The following CKM variants were observed in gnomAD, a reference collection of about 807,000 sequenced individuals.
CKM encodes creatine kinase, M-type.
Under a neutral mutation model 35.4 loss-of-function variants are expected in CKM, and 28 were observed. The observed-to-expected ratio is 0.79, with a 90% confidence interval of 0.59 to 1.08. CKM has a LOEUF of 1.08. Ranked by LOEUF, CKM falls within the 50% of genes least tolerant of loss-of-function variation. The pLI is 0.00. For synonymous variants in CKM, 215 were observed against 204.4 expected, an observed-to-expected ratio of 1.05 and a Z score of -0.44; for missense variants, 484 against 509.8, an observed-to-expected ratio of 0.95 and a Z score of 0.49.
rs771930230 is a variant in CKM, at chr19:45,307,464, T to G, written c.964A>C (p.Thr322Pro). 2.5e-6 allele frequency: 4 copies of G among 1,613,812 alleles called. No homozygotes were observed. Among genetic ancestry groups the G allele is most frequent in the Middle Eastern group, 1.7e-4 (1 of 6,036 alleles). Reference sequence around the variant, plus strand: ...GCAAAGGATGTGGGAGCCGTACCTGTACCCCTCTTCTGCAGACGCAGGCGG... The same window carrying G: ...GCAAAGGATGTGGGAGCCGTACCTGGACCCCTCTTCTGCAGACGCAGGCGG... Reference protein sequence around the residue: ...LTRLRLQKRGTGGVDTAAVGS... With the variant: ...LTRLRLQKRGPGGVDTAAVGS... Residue 322 changes from threonine (T) to proline (P), a missense_variant, in exon 7 of 8, where the codon ACA (threonine) becomes CCA (proline). Coordinates refer to ENST00000221476, the MANE Select transcript of CKM (RefSeq NM_001824.5).
chr19:45,318,918 G>C (rs1186423193), intron 2 of CKM, among the ~76,000 whole-genome samples: 2 of 150,644 alleles, frequency 1.3e-5, no homozygotes, highest in Non-Finnish European at 2.9e-5. Context: ...ACAGTGGCGC[G>C]ATCTCGGCTT....
intron 2 of CKM, among the ~76,000 whole-genome samples, chr19:45,318,729 G>A (rs970352799): frequency 6.6e-6 from 1 of 152,084 alleles, no homozygotes; most frequent in Non-Finnish European, 1.5e-5. Context: ...CCAGGAGAGA[G>A]GGGCTTCTCC....
At chr19:45,314,957 C>T (rs946814912) in intron 4 of CKM, among the ~76,000 whole-genome samples, 11 of 152,052 alleles carry the variant, frequency 7.2e-5, no homozygotes, top group African/African-American at 2.7e-4. Flanking sequence ...AGCGACCCTC[C>T]CTCCTAGGCC....
rs902576266 is a variant in CKM at position 45,316,332 on chromosome 19, A to G, written c.349-735T>C. ...GTGACAGAGTGAGATTCTGTCTCAA[A>G]AAAAAAAAAAAAATAGAGACAGGGT... is the stretch of plus-strand genomic sequence containing the variant. On this transcript the variant is annotated intron_variant, in intron 3 of 7. Transcript: ENST00000221476. 2.0e-5 allele frequency among the ~76,000 whole-genome samples: 3 copies of G among 149,870 alleles called. No individual in the cohort carries two copies. In the South Asian group the frequency reaches 6.4e-4, roughly 32 times the overall value.
chr19:45,308,515 C>A lies in CKM; in HGVS notation c.671G>T (p.Ser224Ile). 4 of 1,614,126 alleles carry A rather than the reference C, an allele frequency of 2.5e-6. No individual in the cohort carries two copies. Among genetic ancestry groups the A allele is most frequent in the Non-Finnish European group, 3.4e-6 (4 of 1,180,012 alleles). ...CTCCTCGTTCACCCACACCAGGAAG[C>A]TCTTGTTGTCATTGTGCCTAGAGTA... ...ARGIWHNDNK[S>I]FLVWVNEEDH... Residue 224 changes from serine to isoleucine, a missense_variant, in exon 6 of 8, where the codon AGC (serine) becomes ATC (isoleucine). Ser to Ile is a moderately radical substitution (Grantham distance 142). Coordinates refer to ENST00000221476, the MANE Select transcript of CKM (RefSeq NM_001824.5).
intron 2 of CKM, 78 bp downstream of exon 2, chr19:45,319,443 G>T: frequency 1.7e-6 from 2 of 1,155,044 alleles, no homozygotes; most frequent in South Asian, 2.5e-5. Flanking sequence ...CCCCTTCAAG[G>T]GTGGTGGGAT....
chr19:45,310,183 C>T (rs1301567789), intron 5 of CKM, among the ~76,000 whole-genome samples: 4 of 121,132 alleles, frequency 3.3e-5, no homozygotes, highest in Admixed American at 3.2e-4. Flanking sequence ...TGCAGTGATG[C>T]GATCTTGGCT....
chr19:45,320,738 G>A (rs768264409), intron 1 of CKM, among the ~76,000 whole-genome samples: 15 of 152,156 alleles, frequency 9.9e-5, no homozygotes, highest in Non-Finnish European at 1.8e-4. Flanking sequence ...GGGGCAAGTT[G>A]CTTAACCTCT....
chr19:45,315,684 T>C (rs2123140587), intron 3 of CKM, 87 bp from the exon 4 acceptor site: 1 of 1,533,876 alleles, frequency 6.5e-7, no homozygotes, highest in East Asian at 2.4e-5. Context: ...CCCCTCAGTC[T>C]CCCTGTTGCT....
At position 45,306,947 on chromosome 19, in the gene CKM, G is replaced by A; in HGVS notation, c.968-19C>T. ...ACGCCACCTGTGGGAGCAAGGGACA[G>A]GGGCGTGAAGAGGCAGCGAAGGTGC... On this transcript the variant is annotated intron_variant, in intron 7 of 7. Transcript: ENST00000221476. The surrounding 1 kb of genome is among the most constrained non-coding windows in gnomAD (Gnocchi z 4.5). The A allele has an allele frequency of 6.2e-7, 1 of 1,612,686 alleles. No homozygotes were observed. The highest frequency in any genetic ancestry group is 1.1e-5 in the South Asian group (1 of 91,084).
chr19:45,312,879 A>G (rs1451637580), intron 4 of CKM, among the ~76,000 whole-genome samples: 1 of 151,656 alleles, frequency 6.6e-6, no homozygotes, highest in Admixed American at 6.6e-5. Flanking sequence ...ACTTGAACCC[A>G]AGAGGTGGAG....
At chr19:45,310,593 G>GA (rs1227730268) in intron 5 of CKM, among the ~76,000 whole-genome samples, 2 of 151,988 alleles carry the variant, frequency 1.3e-5, no homozygotes, top group African/African-American at 4.8e-5. Flanking sequence ...GTAGAGCTGG[G>GA]ATTTGAACCT....
chr19:45,307,049 T>C, intron 7 of CKM, 121 bp from the exon 8 acceptor site: 2 of 936,082 alleles, frequency 2.1e-6, no homozygotes, highest in Non-Finnish European at 3.4e-6. Context: ...ACAGGTTACC[T>C]GCACACAGGT....
chr19:45,319,848 T>C, intron 1 of CKM, 117 bp from the exon 2 acceptor site: 1 of 792,748 alleles, frequency 1.3e-6, no homozygotes, highest in South Asian at 1.7e-5. Flanking sequence ...TGGAGTGCAG[T>C]GGCACGATCT....
intron 7 of CKM, 97 bp downstream of exon 7, chr19:45,307,364 T>C (rs1971062639): frequency 4.3e-6 from 5 of 1,165,720 alleles, no homozygotes; most frequent in Non-Finnish European, 5.0e-6. Context: ...CCTTGCCGGA[T>C]CCCCAGAACT....
intron 3 of CKM, among the ~76,000 whole-genome samples, chr19:45,316,374 G>C (rs926244151): frequency 2.0e-5 from 3 of 148,208 alleles, no homozygotes; most frequent in Non-Finnish European, 3.0e-5. Context: ...ATGTTGCCCA[G>C]GCTGGTCTCA....
intron 2 of CKM, among the ~76,000 whole-genome samples, chr19:45,318,440 G>T (rs1223772683): frequency 6.6e-6 from 1 of 151,518 alleles, no homozygotes; most frequent in African/African-American, 2.4e-5. Flanking sequence ...GAACACTGAG[G>T]ACTGGTGGGA....
At chr19:45,312,968 A>G (rs902958922) in intron 4 of CKM, among the ~76,000 whole-genome samples, 6 of 148,044 alleles carry the variant, frequency 4.1e-5, no homozygotes, top group African/African-American at 7.6e-5. Flanking sequence ...AAAAAAAAAG[A>G]AAAAAAATTG....
At chr19:45,307,302 A>G (rs567793876) in intron 7 of CKM, among the ~76,000 whole-genome samples, 159 bp downstream of exon 7, 4 of 152,354 alleles carry the variant, frequency 2.6e-5, no homozygotes, top group Admixed American at 6.5e-5. Flanking sequence ...TCACATAGGC[A>G]TATTGACACC....
Sources: gnomAD v4.1 joint callset for allele counts (sites outside exome capture counted in the v4.1 genomes callset) on GRCh38, gnomAD v4.1.1 for gene constraint, Gnocchi (gnomAD v3.1) non-coding constraint, MANE v1.5 for transcripts, NCBI Gene and HGNC (gene_info 2026-07-23, HGNC 2026-07-21) for gene names.